GRID2: variants seen among roughly 807,000 people sequenced by gnomAD.
GRID2 encodes the protein glutamate receptor ionotropic, delta-2.
In GRID2, 33 loss-of-function variants were observed where a neutral mutation model predicts 114.8. The ratio of observed to expected loss-of-function variants is 0.29; its 90% CI spans 0.22 to 0.38. GRID2 has a LOEUF of 0.38. Among genes scored for constraint, GRID2 ranks in the 10% least tolerant of loss-of-function variants. The pLI, the probability that GRID2 is intolerant of heterozygous loss-of-function variation, is 1.00. For synonymous variants in GRID2, 505 were observed against 449.9 expected, an observed-to-expected ratio of 1.12 and a Z score of -1.55; for missense variants, 1,184 against 1,257.7, an observed-to-expected ratio of 0.94 and a Z score of 0.89.
intron 10 of GRID2, among the ~76,000 whole-genome samples, chr4:93,449,949 A>G (rs1359133686): frequency 6.6e-6 from 1 of 151,954 alleles, no homozygotes; most frequent in African/African-American, 2.4e-5. Flanking sequence ...AAAATCTAAC[A>G]TTTGCTTCAA....
chr4:93,003,447 T>C (rs898578957), intron 2 of GRID2, among the ~76,000 whole-genome samples: 6 of 151,974 alleles, frequency 3.9e-5, no homozygotes, highest in Non-Finnish European at 7.4e-5. Flanking sequence ...TCTATCTAAA[T>C]TGAGAAATAT....
intron 13 of GRID2, among the ~76,000 whole-genome samples, chr4:93,590,984 A>G (rs377635008): frequency 6.6e-6 from 1 of 151,544 alleles, no homozygotes; most frequent in Non-Finnish European, 1.5e-5. Context: ...CTAGATATAC[A>G]ATCATGTCAT....
intron 1 of GRID2, among the ~76,000 whole-genome samples, chr4:92,397,151 C>A (rs963445738): frequency 1.3e-5 from 2 of 151,606 alleles, no homozygotes; most frequent in African/African-American, 2.4e-5. Context: ...CTTTAAAAAT[C>A]AGAACAATAT....
At chr4:92,740,446 T>G (rs573489739) in intron 2 of GRID2, among the ~76,000 whole-genome samples, 1 of 152,272 alleles carries the variant, frequency 6.6e-6, no homozygotes, top group Admixed American at 6.5e-5. Context: ...AATGTCTGAA[T>G]CTCTAAATCA....
intron 8 of GRID2, among the ~76,000 whole-genome samples, chr4:93,376,140 T>C (rs909142892): frequency 2.0e-5 from 3 of 152,158 alleles, no homozygotes; most frequent in African/African-American, 7.2e-5. Context: ...AAAGACCCTA[T>C]CTTCAAATGC....
chr4:93,699,556 A>G (rs983645036), intron 14 of GRID2, among the ~76,000 whole-genome samples: 17 of 152,066 alleles, frequency 1.1e-4, no homozygotes, highest in Admixed American at 3.3e-4. Context: ...AAAATAGCCA[A>G]GTAGTTTGTC....
Position 92,652,740 on chromosome 4 carries a change from G to A in GRID2, c.244+62454G>A, listed in dbSNP as rs1307500679. Among the ~76,000 whole-genome samples the A allele has an allele frequency of 2.1e-5, 3 of 142,808 alleles. 1 individual carries two copies. The highest frequency in any genetic ancestry group is 4.6e-5 in the Non-Finnish European group (3 of 65,522). The allele number at this position is 142,808 out of a possible 152,430, so 93.7% of individuals were successfully genotyped here. A position where few individuals can be genotyped will look rare whatever the true frequency, so the allele number is the denominator to read the frequency against. The stretch of plus-strand genomic sequence containing the variant: ...AATCCCAGCACTTTGGGAGGCTGGG[G>A]GGGTTGGGGGGTGGATCACAAGATC... On this transcript the variant is annotated intron_variant, in intron 2 of 15. Transcript: ENST00000282020.
At chr4:92,461,089 T>C (rs1721471335) in intron 1 of GRID2, among the ~76,000 whole-genome samples, 1 of 151,602 alleles carries the variant, frequency 6.6e-6, no homozygotes, top group Admixed American at 6.6e-5. Flanking sequence ...AAATCATATA[T>C]TTATATAACT....
chr4:92,350,984 GT>G (rs1560581376), intron 1 of GRID2, among the ~76,000 whole-genome samples: 1 of 151,710 alleles, frequency 6.6e-6, no homozygotes, highest in East Asian at 1.9e-4. Context: ...AAGTTCATCC[GT>G]TATGTAGCAT....
chr4:92,870,362 G>A (rs2149445468), intron 2 of GRID2, among the ~76,000 whole-genome samples: 2 of 151,934 alleles, frequency 1.3e-5, no homozygotes, highest in African/African-American at 4.8e-5. Flanking sequence ...CATAAGGACA[G>A]CACTTTTGTT....
chr4:92,950,040 A>C (rs1364852771), intron 2 of GRID2, among the ~76,000 whole-genome samples: 3 of 152,188 alleles, frequency 2.0e-5, no homozygotes, highest in Admixed American at 2.0e-4. Context: ...TTGAGAAAAG[A>C]ATCAAGATGA....
In GRID2 at chr4:92,592,628, A is replaced by C. The variant is rs189106483; in HGVS notation, c.244+2342A>C. Among the ~76,000 whole-genome samples the C allele has an allele frequency of 3.4e-3, 512 of 152,228 alleles. 3 individuals carry two copies. Among genetic ancestry groups the C allele is most frequent in the Non-Finnish European group, 5.1e-3 (344 of 67,980 alleles). On this transcript the variant is annotated intron_variant, in intron 2 of 15. Coordinates refer to ENST00000282020, the MANE Select transcript of GRID2 (RefSeq NM_001510.4). Reference sequence around the variant, plus strand: ...TAGAGACCACTAGGTATTTGTCAAGAAAAATGAAAGAGCTGGACAGTTTGC... The same window carrying C: ...TAGAGACCACTAGGTATTTGTCAAGCAAAATGAAAGAGCTGGACAGTTTGC...
At chr4:93,172,349 T>C (rs1738916259) in intron 4 of GRID2, among the ~76,000 whole-genome samples, 1 of 152,020 alleles carries the variant, frequency 6.6e-6, no homozygotes, top group Admixed American at 6.6e-5. Flanking sequence ...TGCCAGCACT[T>C]TGGGAGGCCC....
rs560675286 is a variant in GRID2, at chr4:93,329,232, A to G, written c.1246-66375A>G. Among the ~76,000 whole-genome samples the G allele has an allele frequency of 4.6e-5, 7 of 152,264 alleles. No individual in the cohort carries two copies. The South Asian group carries it at 1.5e-3, about 32-fold the overall frequency. On this transcript the variant is annotated intron_variant, in intron 8 of 15. Transcript: ENST00000282020. ...ATAAGATAATGTCTCAATACAATTC[A>G]TTACACATATCAAGAAAACTGGAGG...
chr4:92,315,673 A>G (rs1369381209), intron 1 of GRID2, among the ~76,000 whole-genome samples: 2 of 152,078 alleles, frequency 1.3e-5, no homozygotes, highest in African/African-American at 4.8e-5. Flanking sequence ...TTGGTGAGAC[A>G]AGAGAACTTA....
chr4:93,726,005 A>G (rs1433875923), intron 14 of GRID2, among the ~76,000 whole-genome samples: 2 of 152,132 alleles, frequency 1.3e-5, no homozygotes, highest in Admixed American at 6.5e-5. Flanking sequence ...CCATTTGTCA[A>G]TCTTTGGCTT....
chr4:92,779,764 C>G (rs988951389), intron 2 of GRID2, among the ~76,000 whole-genome samples: 4 of 152,114 alleles, frequency 2.6e-5, no homozygotes, highest in African/African-American at 9.7e-5. Flanking sequence ...TCATTAGCAA[C>G]TACCATCATC....
At chr4:92,555,425 C>G (rs1452018500) in intron 1 of GRID2, among the ~76,000 whole-genome samples, 3 of 152,034 alleles carry the variant, frequency 2.0e-5, no homozygotes, top group African/African-American at 7.2e-5. Flanking sequence ...AGCTTAACTT[C>G]AATTTCATTA....
intron 13 of GRID2, among the ~76,000 whole-genome samples, chr4:93,575,060 A>G (rs1736287997): frequency 1.3e-5 from 2 of 152,172 alleles, no homozygotes; most frequent in Admixed American, 1.3e-4. Flanking sequence ...ATAGTGGTTC[A>G]GGGATCTTAG....
Sources: allele counts gnomAD v4.1 joint callset (sites outside exome capture counted in the v4.1 genomes callset), GRCh38; gene constraint gnomAD v4.1.1; transcripts MANE v1.5; gene names NCBI Gene and HGNC (gene_info 2026-07-23, HGNC 2026-07-21).